MLLT3: variants seen among roughly 807,000 people sequenced by gnomAD.
MLLT3 encodes the protein MLLT3 super elongation complex subunit.
In MLLT3, 4 loss-of-function variants were observed where a neutral mutation model predicts 53.2. The observed-to-expected ratio is 0.08, with a 90% CI of 0.04 to 0.17. The LOEUF (loss-of-function observed/expected upper bound fraction) is 0.17, where lower values mean the gene tolerates loss of function less well. MLLT3 is among the 10% of genes least tolerant of loss of function. MLLT3 has a pLI of 1.00. For missense variants in MLLT3, 569 were observed against 684.0 expected (o/e 0.83, Z 1.87); for synonymous variants, 283 against 230.6 (o/e 1.23, Z -2.06).
intron 5 of MLLT3, among the ~76,000 whole-genome samples, chr9:20,392,408 T>C (rs1339286142): frequency 6.6e-6 from 1 of 152,204 alleles, no homozygotes; most frequent in African/African-American, 2.4e-5. Flanking sequence ...TTTCTATTAA[T>C]ACAATCTTAG....
chr9:20,350,843 G>A (rs1323939282), intron 10 of MLLT3, among the ~76,000 whole-genome samples: 1 of 152,106 alleles, frequency 6.6e-6, no homozygotes, highest in Non-Finnish European at 1.5e-5. Flanking sequence ...ATTATAAAAA[G>A]GTAAATGCAT....
chr9:20,586,682 AG>A (rs1366076382), intron 2 of MLLT3, among the ~76,000 whole-genome samples: 10 of 60,060 alleles, frequency 1.7e-4, no homozygotes, highest in Non-Finnish European at 4.0e-4. Context: ...AACATCAAGG[AG>A]TTTTTTTTTT....
intron 2 of MLLT3, among the ~76,000 whole-genome samples, chr9:20,612,088 C>T (rs1191270226): frequency 6.6e-6 from 1 of 152,156 alleles, no homozygotes; most frequent in African/African-American, 2.4e-5. Context: ...ACAAAAGCAG[C>T]TATTGCTGAA....
At chr9:20,545,170 C>G (rs879134343) in intron 2 of MLLT3, among the ~76,000 whole-genome samples, 1 of 146,598 alleles carries the variant, frequency 6.8e-6, no homozygotes, top group Non-Finnish European at 1.5e-5. Context: ...GAGGAGCAAC[C>G]TAAAAGTTCA....
At chr9:20,415,392 A>G in intron 4 of MLLT3, 4 of 807,206 alleles carry the variant, frequency 5.0e-6, no homozygotes, top group Middle Eastern at 6.5e-4. Flanking sequence ...TATAACCTAT[A>G]TATAATCTTT....
chr9:20,496,916 C>T (rs1825092278), intron 2 of MLLT3, among the ~76,000 whole-genome samples: 1 of 152,232 alleles, frequency 6.6e-6, no homozygotes, highest in South Asian at 2.1e-4. Context: ...GAGCCTTTCT[C>T]AGACTAAGTG....
At chr9:20,380,600 T>A (rs1218767107) in intron 5 of MLLT3, among the ~76,000 whole-genome samples, 1 of 151,988 alleles carries the variant, frequency 6.6e-6, no homozygotes, top group African/African-American at 2.4e-5. Flanking sequence ...TTCAACACAT[T>A]TAGTTGTAAC....
chr9:20,535,552 C>T (rs1185869572), intron 2 of MLLT3, among the ~76,000 whole-genome samples: 6 of 151,334 alleles, frequency 4.0e-5, no homozygotes, highest in Admixed American at 3.9e-4. Context: ...CCAAAAAAAT[C>T]AATCATAAAA....
Position 20,620,604 on chromosome 9 carries a change from A to T in MLLT3, c.193+50T>A. 1.3e-6 allele frequency: 2 copies of T among 1,552,492 alleles called. No individual in the cohort carries two copies. Among genetic ancestry groups the T allele is most frequent in the Non-Finnish European group, 1.8e-6 (2 of 1,138,074 alleles). The stretch of plus-strand genomic sequence containing the variant: ...ACAGCGGGACCGCCCGGGCCAAGCG[A>T]TTGTTTCAAAGACATTTTTTATCAA... On this transcript the variant is annotated intron_variant, in intron 2 of 10. Coordinates refer to ENST00000380338, the MANE Select transcript of MLLT3 (RefSeq NM_004529.4). The surrounding 1 kb of genome is among the most constrained non-coding windows in gnomAD (Gnocchi z 6.1).
intron 2 of MLLT3, among the ~76,000 whole-genome samples, chr9:20,509,792 T>G (rs1825480077): frequency 6.6e-6 from 1 of 152,144 alleles, no homozygotes; most frequent in African/African-American, 2.4e-5. Flanking sequence ...TTGTTTTATA[T>G]CCTGCCAAAT....
intron 2 of MLLT3, among the ~76,000 whole-genome samples, chr9:20,618,326 T>A (rs1385879563): frequency 6.6e-6 from 1 of 152,220 alleles, no homozygotes; most frequent in Admixed American, 6.5e-5. Flanking sequence ...CTTATCATTT[T>A]GAAAGACTTT....
intron 5 of MLLT3, among the ~76,000 whole-genome samples, chr9:20,407,707 C>A (rs1028233788): frequency 6.6e-6 from 1 of 152,126 alleles, no homozygotes; most frequent in African/African-American, 2.4e-5. Flanking sequence ...CTAAAGATGG[C>A]AACCTTGGGG....
rs535326953 is a variant in MLLT3, at chr9:20,360,913, G to A, written c.1332-72C>T. 7.8e-5 allele frequency: 104 copies of A among 1,331,076 alleles called. No homozygotes were observed. The South Asian group carries it at 9.1e-4, about 12-fold the overall frequency. 82.5% of individuals were successfully genotyped at this position (1,331,076 alleles called of 1,614,324 possible). On this transcript the variant is annotated intron_variant, in intron 7 of 10. Coordinates refer to ENST00000380338, the MANE Select transcript of MLLT3 (RefSeq NM_004529.4). ...TCTTGAAATACCCATAGAAATAGGC[G>A]TGGAAAGCACAGAATCCAAACACTA... is the stretch of plus-strand genomic sequence containing the variant.
At chr9:20,615,768 G>A (rs909366253) in intron 2 of MLLT3, among the ~76,000 whole-genome samples, 5 of 151,486 alleles carry the variant, frequency 3.3e-5, no homozygotes, top group Admixed American at 2.6e-4. Context: ...TCTCGTGAGT[G>A]TGTAGCAGAG....
chr9:20,386,072 CCATTTCTGTATTT>C (rs1243524851), intron 5 of MLLT3, among the ~76,000 whole-genome samples: 1 of 152,154 alleles, frequency 6.6e-6, no homozygotes, highest in Non-Finnish European at 1.5e-5. Flanking sequence ...ATGGGCACTG[CCATTTCTGTATTT>C]CATATACAGA....
intron 5 of MLLT3, among the ~76,000 whole-genome samples, chr9:20,406,068 C>A (rs1296676055): frequency 6.6e-6 from 1 of 151,892 alleles, no homozygotes; most frequent in East Asian, 1.9e-4. Context: ...GCCGAGATTG[C>A]ACCACTACAC....
At chr9:20,579,910 A>C (rs531714161) in intron 2 of MLLT3, among the ~76,000 whole-genome samples, 1 of 152,332 alleles carries the variant, frequency 6.6e-6, no homozygotes, top group African/African-American at 2.4e-5. Flanking sequence ...GGGTGAATTC[A>C]GACCCTAAAG....
intron 2 of MLLT3, among the ~76,000 whole-genome samples, chr9:20,479,814 A>G (rs1177743383): frequency 1.3e-5 from 2 of 152,228 alleles, no homozygotes; most frequent in Non-Finnish European, 2.9e-5. Context: ...AAATTTGGAT[A>G]AAGACCATGA....
chr9:20,610,738 T>C (rs191675567), intron 2 of MLLT3, among the ~76,000 whole-genome samples: 2 of 151,820 alleles, frequency 1.3e-5, no homozygotes, highest in Admixed American at 6.6e-5. Context: ...GAGAAGGGAG[T>C]GTTGGTCTAA....
Sources: allele counts gnomAD v4.1 joint callset (sites outside exome capture counted in the v4.1 genomes callset), GRCh38; gene constraint gnomAD v4.1.1; non-coding constraint Gnocchi (gnomAD v3.1); transcripts MANE v1.5; gene names NCBI Gene and HGNC (gene_info 2026-07-23, HGNC 2026-07-21).